Variants in DENND4A observed in about 807,000 individuals in gnomAD.
The protein encoded by DENND4A is C-myc promoter-binding protein.
A neutral mutation model predicts 199.3 loss-of-function variants in DENND4A; 70 were observed. That is an observed-to-expected ratio of 0.35 (90% CI 0.29 to 0.43). The LOEUF is 0.43. Ranked by LOEUF, DENND4A falls within the 20% of genes least tolerant of loss-of-function variation. The pLI is 1.00. For synonymous variants in DENND4A, 686 were observed against 766.9 expected (o/e 0.89, Z 1.74); for missense variants, 1,723 against 2,255.8 (o/e 0.76, Z 4.78).
At chr15:65,700,401 TAATATCA>T (rs2074823295) in intron 20 of DENND4A, 136 bp downstream of exon 20, 2 of 338,114 alleles carry the variant, frequency 5.9e-6, no homozygotes, top group Non-Finnish European at 1.0e-5. Context: ...TTATTAAATC[TAATATCA>T]AATAAAATAC....
chr15:65,668,214 T>TTC lies in DENND4A; in HGVS notation c.4788-92_4788-91insGA. On this transcript the variant is annotated intron_variant, in intron 27 of 32. Coordinates refer to ENST00000443035, the MANE Select transcript of DENND4A (RefSeq NM_001320835.1). ...TCATGTTCTCTCTCTCTCTCTCTTTTTTTTTTTTTTTTAAGACAGAGTCTT... is the reference window on the plus strand; with the variant it reads ...TCATGTTCTCTCTCTCTCTCTCTTTTTCTTTTTTTTTTTTAAGACAGAGTCTT... 3.0e-6 allele frequency: 3 copies of TTC among 985,158 alleles called. No homozygotes were observed. In the East Asian group the frequency reaches 8.7e-5, roughly 29 times the overall value. The allele number at this position is 985,158 out of a possible 1,614,324, so 61.0% of individuals were successfully genotyped here. A position where few individuals can be genotyped will look rare whatever the true frequency, so the allele number is the denominator to read the frequency against.
chr15:65,673,419 T>TATG (rs1761362419), intron 24 of DENND4A, among the ~76,000 whole-genome samples: 1 of 151,566 alleles, frequency 6.6e-6, no homozygotes, highest in Non-Finnish European at 1.5e-5. Context: ...TGCAGTGAGC[T>TATG]ATGACTCTGC....
chr15:65,756,759 G>C (rs966320684), intron 2 of DENND4A, among the ~76,000 whole-genome samples: 4 of 152,210 alleles, frequency 2.6e-5, no homozygotes, highest in Non-Finnish European at 5.9e-5. Flanking sequence ...AGTCTGGCCA[G>C]GTGCAGTGGC....
chr15:65,668,056 C>G lies in DENND4A; in HGVS notation c.4855G>C (p.Ala1619Pro), dbSNP rs1360952487. ...GGAAATATTGGACATTTAGACATAGCTGTTTTTGATCTATTAGCAGGGATC... is the reference window on the plus strand; with the variant it reads ...GGAAATATTGGACATTTAGACATAGGTGTTTTTGATCTATTAGCAGGGATC... ...IQIPANRSKTAMSKCPIFPMA... is the reference protein window; with the variant it reads ...IQIPANRSKTPMSKCPIFPMA... Residue 1619 changes from alanine to proline, a missense_variant, in exon 28 of 33, where the codon GCT (alanine) becomes CCT (proline). Transcript: ENST00000443035. 1 of 1,611,686 alleles carries G rather than the reference C, an allele frequency of 6.2e-7. No homozygotes were observed. The highest frequency in any genetic ancestry group is 8.5e-7 in the Non-Finnish European group (1 of 1,179,350).
intron 1 of DENND4A, among the ~76,000 whole-genome samples, chr15:65,766,217 C>T (rs2076981193): frequency 2.0e-5 from 3 of 149,128 alleles, no homozygotes; most frequent in South Asian, 2.1e-4. Context: ...GGCCACCGCA[C>T]TCCAGCCTGG....
At chr15:65,670,234 A>G in intron 25 of DENND4A, 46 bp from the exon 26 acceptor site, 1 of 1,379,788 alleles carries the variant, frequency 7.2e-7, no homozygotes, top group Non-Finnish European at 9.5e-7. Context: ...GTTAATTCAG[A>G]TTATGAATTA....
intron 9 of DENND4A, among the ~76,000 whole-genome samples, chr15:65,731,111 C>A (rs569428128): frequency 1.1e-4 from 17 of 152,104 alleles, no homozygotes; most frequent in East Asian, 5.8e-4. Context: ...ATAACTTAAT[C>A]AGACTGTAAC....
intron 20 of DENND4A, 109 bp downstream of exon 20, chr15:65,700,433 TAA>T (rs2074824925): frequency 1.6e-5 from 8 of 499,200 alleles, no homozygotes; most frequent in Admixed American, 9.1e-5. Context: ...TATATAAAAT[TAA>T]AAAGTGACAG....
At chr15:65,722,775 T>C in intron 12 of DENND4A, 73 bp downstream of exon 12, 1 of 1,181,388 alleles carries the variant, frequency 8.5e-7, no homozygotes. Flanking sequence ...ATTATTCTTT[T>C]ATAAGTAAGG....
chr15:65,661,959 T>C lies in DENND4A; in HGVS notation c.5616A>G (p.Ala1872=), dbSNP rs752367423. 1.2e-6 allele frequency: 2 copies of C among 1,613,004 alleles called. No individual in the cohort carries two copies. Among genetic ancestry groups the C allele is most frequent in the South Asian group, 1.1e-5 (1 of 90,788 alleles). The change falls in exon 33 of 33, where the codon GCA becomes GCG. Residue 1872 remains alanine, a synonymous_variant. Coordinates refer to ENST00000443035, the MANE Select transcript of DENND4A (RefSeq NM_001320835.1). ...CTTGACTAGGTGTGAGACGATCGTA[T>C]GCCATCTTGTACTCTTTATCAAAAG... The part of the protein sequence containing the change: ...IDAFDKEYKM[A]YDRLTPSQVK...
At chr15:65,703,426 T>C (rs1596475739) in intron 15 of DENND4A, among the ~76,000 whole-genome samples, 1 of 152,340 alleles carries the variant, frequency 6.6e-6, no homozygotes, top group East Asian at 1.9e-4. Flanking sequence ...ATTAACATAT[T>C]TACTGTTGAA....
chr15:65,782,581 G>C (rs1444338452), intron 1 of DENND4A, among the ~76,000 whole-genome samples: 1 of 152,012 alleles, frequency 6.6e-6, no homozygotes. Context: ...TAACATCTCT[G>C]TGTCTTAACT....
intron 24 of DENND4A, among the ~76,000 whole-genome samples, chr15:65,675,895 A>AAT (rs1807524184): frequency 6.6e-6 from 1 of 152,120 alleles, no homozygotes; most frequent in African/African-American, 2.4e-5. Context: ...TATATGCATT[A>AAT]TAGCATTAGA....
At chr15:65,674,955 G>A (rs2141921982) in intron 24 of DENND4A, among the ~76,000 whole-genome samples, 1 of 152,310 alleles carries the variant, frequency 6.6e-6, no homozygotes, top group Admixed American at 6.5e-5. Context: ...AATTATTGAA[G>A]TTGGTGATGG....
intron 4 of DENND4A, among the ~76,000 whole-genome samples, chr15:65,747,052 G>A (rs1297916821): frequency 2.0e-5 from 3 of 151,426 alleles, no homozygotes; most frequent in African/African-American, 7.3e-5. Context: ...GTTGCAGGGA[G>A]CCGAGATCGC....
intron 6 of DENND4A, 103 bp downstream of exon 6, chr15:65,738,602 TA>T: frequency 9.9e-7 from 1 of 1,008,998 alleles, no homozygotes; most frequent in South Asian, 2.0e-5. Flanking sequence ...AAAGTATGCA[TA>T]ATCATTCAAT....
intron 27 of DENND4A, 71 bp from the exon 28 acceptor site, chr15:65,668,194 T>TTC (rs200967741): frequency 5.4e-5 from 60 of 1,115,628 alleles, no homozygotes; most frequent in East Asian, 1.4e-4. Context: ...AAGGATCATG[T>TTC]TCTCTCTCTC....
chr15:65,756,528 T>G (rs932124594), intron 2 of DENND4A, 56 bp from the exon 3 acceptor site: 1 of 1,329,630 alleles, frequency 7.5e-7, no homozygotes, highest in Admixed American at 2.5e-5. Context: ...TAAATACAAG[T>G]GGTTTGTGTG....
chr15:65,716,471 C>A (rs1256366601), intron 13 of DENND4A, among the ~76,000 whole-genome samples: 1 of 147,380 alleles, frequency 6.8e-6, no homozygotes, highest in Non-Finnish European at 1.5e-5. Flanking sequence ...GTTCAATTCC[C>A]ACCTATGAGT....
Sources: allele counts gnomAD v4.1 joint callset (sites outside exome capture counted in the v4.1 genomes callset), GRCh38; gene constraint gnomAD v4.1.1; transcripts MANE v1.5; gene names NCBI Gene and HGNC (gene_info 2026-07-23, HGNC 2026-07-21).